Variants in ITPR1 observed in about 807,000 individuals in gnomAD.
ITPR1 encodes inositol 1,4,5-trisphosphate receptor type 1.
A neutral mutation model predicts 318.4 loss-of-function variants in ITPR1; 96 were observed. The ratio of observed to expected loss-of-function variants is 0.30; its 90% CI spans 0.26 to 0.36. ITPR1 has a LOEUF of 0.36. Among genes scored for constraint, ITPR1 ranks in the 10% least tolerant of loss-of-function variants. The pLI, the probability that ITPR1 is intolerant of heterozygous loss-of-function variation, is 1.00. For missense variants in ITPR1, 2,440 were observed against 3,460.2 expected (o/e 0.71, Z 7.40); for synonymous variants, 1,312 against 1,289.9 (o/e 1.02, Z -0.37).
At chr3:4,761,166 A>G (rs773533625) in intron 44 of ITPR1, among the ~76,000 whole-genome samples, 2 of 152,134 alleles carry the variant, frequency 1.3e-5, no homozygotes, top group South Asian at 2.1e-4. Context: ...TTCAGGAGGT[A>G]AATGTGCAGG....
chr3:4,801,472 AG>A (rs1430102821), intron 54 of ITPR1, among the ~76,000 whole-genome samples: 1 of 152,178 alleles, frequency 6.6e-6, no homozygotes, highest in South Asian at 2.1e-4. Flanking sequence ...TTAGGGCTTA[AG>A]GAATGGAGGG....
chr3:4,670,021 G>A (rs2094039611), intron 19 of ITPR1, among the ~76,000 whole-genome samples: 1 of 152,302 alleles, frequency 6.6e-6, no homozygotes. Flanking sequence ...TCACCGGGGA[G>A]CATTTTATAC....
chr3:4,605,645 TA>T, intron 4 of ITPR1, among the ~76,000 whole-genome samples: 1 of 152,286 alleles, frequency 6.6e-6, no homozygotes, highest in Admixed American at 6.5e-5. Flanking sequence ...AGCAGCTGTG[TA>T]AAAGGTTAGC....
chr3:4,661,175 G>T (rs1166996766), intron 14 of ITPR1, 88 bp downstream of exon 14: 6 of 680,862 alleles, frequency 8.8e-6, no homozygotes, highest in Non-Finnish European at 1.5e-5. Flanking sequence ...AGTATGGAGC[G>T]TGGAGATTTG....
chr3:4,787,547 A>AG (rs1553745669), intron 51 of ITPR1, among the ~76,000 whole-genome samples: 4 of 149,582 alleles, frequency 2.7e-5, no homozygotes, highest in Admixed American at 6.7e-5. Flanking sequence ...GAAAAAAAAA[A>AG]AAAAGCCAGG....
intron 46 of ITPR1, among the ~76,000 whole-genome samples, chr3:4,774,672 G>T (rs1476012939): frequency 6.6e-6 from 1 of 152,170 alleles, no homozygotes; most frequent in Non-Finnish European, 1.5e-5. Flanking sequence ...TCAGGCACAT[G>T]CACACAAGCA....
At chr3:4,577,247 CT>C (rs1291239679) in intron 4 of ITPR1, among the ~76,000 whole-genome samples, 6 of 152,182 alleles carry the variant, frequency 3.9e-5, no homozygotes, top group African/African-American at 1.4e-4. Flanking sequence ...GTTTGAATGG[CT>C]TTCTAGTTGG....
intron 61 of ITPR1, among the ~76,000 whole-genome samples, chr3:4,845,588 C>T (rs545259147): frequency 2.7e-4 from 41 of 152,330 alleles, no homozygotes; most frequent in Non-Finnish European, 5.7e-4. Context: ...TTATTTACAG[C>T]ATTTAATCAT....
At chr3:4,747,568 TCAGAAGG>T (rs2044200012) in intron 44 of ITPR1, among the ~76,000 whole-genome samples, 1 of 152,200 alleles carries the variant, frequency 6.6e-6, no homozygotes, top group Admixed American at 6.5e-5. Context: ...CTCCTGATAA[TCAGAAGG>T]CAGCTCGAGT....
chr3:4,607,817 G>T (rs544997726), intron 4 of ITPR1, among the ~76,000 whole-genome samples: 2 of 152,034 alleles, frequency 1.3e-5, no homozygotes, highest in Non-Finnish European at 2.9e-5. Flanking sequence ...AACTTGAAAA[G>T]ATACCTCAAA....
chr3:4,520,778 C>A (rs1227295793), intron 3 of ITPR1, among the ~76,000 whole-genome samples: 1 of 152,154 alleles, frequency 6.6e-6, no homozygotes, highest in Non-Finnish European at 1.5e-5. Flanking sequence ...CTACCATGGA[C>A]ATGGTTATGG....
At chr3:4,575,050 T>G (rs781588093) in intron 4 of ITPR1, among the ~76,000 whole-genome samples, 1 of 152,352 alleles carries the variant, frequency 6.6e-6, no homozygotes. Context: ...AAATTCAGGT[T>G]CTCTACTTAT....
intron 4 of ITPR1, among the ~76,000 whole-genome samples, chr3:4,561,090 A>T (rs1323332659): frequency 1.3e-5 from 2 of 152,144 alleles, no homozygotes; most frequent in African/African-American, 4.8e-5. Flanking sequence ...ATTTATTTTT[A>T]GCAGCTGACC....
chr3:4,596,315 G>C (rs945234351), intron 4 of ITPR1: 1 of 151,978 alleles, frequency 6.6e-6, no homozygotes, highest in Non-Finnish European at 1.5e-5. Flanking sequence ...CTTTCCATGA[G>C]TTTTTCTTTC....
At chr3:4,809,239 C>T (rs1004255237) in intron 55 of ITPR1, among the ~76,000 whole-genome samples, 1 of 152,174 alleles carries the variant, frequency 6.6e-6, no homozygotes, top group Admixed American at 6.5e-5. Context: ...TCAAATACTC[C>T]ATTTCCAAAA....
chr3:4,589,810 A>T (rs1236973409), intron 4 of ITPR1, among the ~76,000 whole-genome samples: 1 of 152,106 alleles, frequency 6.6e-6, no homozygotes, highest in African/African-American at 2.4e-5. Context: ...CATGCCTGGG[A>T]TACATCACAG....
At chr3:4,556,667 A>G (rs375010793) in intron 4 of ITPR1, among the ~76,000 whole-genome samples, 22 of 152,138 alleles carry the variant, frequency 1.4e-4, no homozygotes, top group East Asian at 9.6e-4. Context: ...AGCGCTGAGT[A>G]ATATTACATT....
chr3:4,656,694 G>A (rs907585751), intron 12 of ITPR1, among the ~76,000 whole-genome samples: 6 of 152,184 alleles, frequency 3.9e-5, no homozygotes, highest in African/African-American at 1.4e-4. Context: ...TCTCTCCTTT[G>A]CCTTTGATTT....
At chr3:4,721,893 T>C (rs989595873) in intron 40 of ITPR1, among the ~76,000 whole-genome samples, 1 of 152,176 alleles carries the variant, frequency 6.6e-6, no homozygotes, top group Non-Finnish European at 1.5e-5. Context: ...ACACCAGAAA[T>C]AGTCACCTTA....
Sources: allele counts gnomAD v4.1 joint callset (sites outside exome capture counted in the v4.1 genomes callset), GRCh38; gene constraint gnomAD v4.1.1; transcripts MANE v1.5; gene names NCBI Gene and HGNC (gene_info 2026-07-23, HGNC 2026-07-21).